WWOX: variants seen among roughly 807,000 people sequenced by gnomAD.
WWOX encodes the protein WW domain-containing oxidoreductase.
In WWOX, 69 loss-of-function variants were observed where a neutral mutation model predicts 46.2. The observed-to-expected ratio is 1.49, with a 90% CI of 1.23 to 1.82. The LOEUF is 1.82. Ranked by LOEUF, WWOX falls within the 40% of genes most tolerant of loss-of-function variation. The pLI is 0.00. For synonymous variants in WWOX, 359 were observed against 202.6 expected (o/e 1.77, Z -6.56); for missense variants, 919 against 542.6 (o/e 1.69, Z -6.89).
intron 5 of WWOX, among the ~76,000 whole-genome samples, chr16:78,176,686 T>A (rs1023445907): frequency 2.6e-5 from 4 of 152,220 alleles, no homozygotes; most frequent in Non-Finnish European, 5.9e-5. Flanking sequence ...ATGCAGGTGC[T>A]GGAGCAGAAA....
chr16:78,394,699 C>T (rs561249507), intron 6 of WWOX, among the ~76,000 whole-genome samples: 1 of 152,124 alleles, frequency 6.6e-6, no homozygotes, highest in East Asian at 1.9e-4. Flanking sequence ...TTGCTTTTGC[C>T]GTGGTAGCCT....
intron 8 of WWOX, among the ~76,000 whole-genome samples, chr16:78,467,253 C>T (rs545748237): frequency 6.6e-6 from 1 of 152,100 alleles, no homozygotes; most frequent in Admixed American, 6.6e-5. Flanking sequence ...CTGATCACCA[C>T]CCATGTTAAT....
intron 5 of WWOX, among the ~76,000 whole-genome samples, chr16:78,172,791 G>C (rs1311865585): frequency 6.6e-6 from 1 of 152,068 alleles, no homozygotes; most frequent in Non-Finnish European, 1.5e-5. Flanking sequence ...CATTAATGTG[G>C]GGTCCCCTGA....
intron 5 of WWOX, among the ~76,000 whole-genome samples, chr16:78,233,648 T>C (rs2037344165): frequency 6.6e-6 from 1 of 150,754 alleles, no homozygotes; most frequent in Non-Finnish European, 1.5e-5. Context: ...TGCCTCAGCC[T>C]CCCGAGTAGC....
intron 8 of WWOX, among the ~76,000 whole-genome samples, chr16:79,117,908 G>C (rs2049549808): frequency 1.3e-5 from 2 of 152,194 alleles, no homozygotes; most frequent in African/African-American, 4.8e-5. Context: ...TGTTGTGGCT[G>C]GTTTGATCCT....
intron 8 of WWOX, among the ~76,000 whole-genome samples, chr16:78,925,159 C>A (rs565082333): frequency 7.2e-5 from 11 of 152,294 alleles, no homozygotes; most frequent in Non-Finnish European, 4.4e-5. Context: ...ATTGCCACTG[C>A]ACTCCAGACT....
chr16:78,423,118 C>T (rs971027707), intron 6 of WWOX, among the ~76,000 whole-genome samples: 2 of 151,976 alleles, frequency 1.3e-5, no homozygotes, highest in African/African-American at 4.8e-5. Flanking sequence ...AACTTCTGAC[C>T]TCGTGATTTG....
intron 8 of WWOX, among the ~76,000 whole-genome samples, chr16:79,145,820 GAAA>G (rs756241222): frequency 5.3e-5 from 8 of 151,924 alleles, no homozygotes; most frequent in Non-Finnish European, 8.8e-5. Context: ...GATGGAGATA[GAAA>G]AAAACCCCAT....
At position 78,458,807 on chromosome 16, in the gene WWOX, G is replaced by A. The variant is rs116197506; in HGVS notation, c.1056+26055G>A. The stretch of plus-strand genomic sequence containing the variant: ...ATAGGTGGCGCCACTTTTTATCTGT[G>A]TGTGTTGGGGGTGGAATTAGCATGT... On this transcript the variant is annotated intron_variant, in intron 8 of 8. Transcript: ENST00000566780. 8.9e-3 allele frequency among the ~76,000 whole-genome samples: 1,348 copies of A among 152,158 alleles called. 27 individuals are homozygous for A. The highest frequency in any genetic ancestry group is 0.03 in the African/African-American group (1,264 of 41,494).
rs2084804844 is a variant in WWOX at position 78,492,322 on chromosome 16, T to G, written c.1056+59570T>G. The stretch of plus-strand genomic sequence containing the variant: ...TATAATTTTTTTCTTCTTTTCTATC[T>G]GCTAGCAAAGTGGGTAAGTTGACCC... On this transcript the variant is annotated intron_variant, in intron 8 of 8. Coordinates refer to ENST00000566780, the MANE Select transcript of WWOX (RefSeq NM_016373.4). Among the ~76,000 whole-genome samples, 5 of 152,346 alleles carry G rather than the reference T, an allele frequency of 3.3e-5. No individual in the cohort carries two copies. The South Asian group carries it at 1.0e-3, about 32-fold the overall frequency.
intron 8 of WWOX, among the ~76,000 whole-genome samples, chr16:78,645,518 T>C: frequency 6.6e-6 from 1 of 152,132 alleles, no homozygotes; most frequent in Non-Finnish European, 1.5e-5. Flanking sequence ...GGTGCCAATG[T>C]ATTTCTGATG....
chr16:78,512,759 G>C (rs1212974204), intron 8 of WWOX, among the ~76,000 whole-genome samples: 1 of 152,198 alleles, frequency 6.6e-6, no homozygotes, highest in African/African-American at 2.4e-5. Flanking sequence ...AAATAAGCTT[G>C]ACTGGCTTGT....
intron 5 of WWOX, among the ~76,000 whole-genome samples, chr16:78,244,329 GC>G (rs2037750656): frequency 6.6e-6 from 1 of 152,122 alleles, no homozygotes; most frequent in African/African-American, 2.4e-5. Context: ...CTGATAAATT[GC>G]CGTTTATGGC....
chr16:78,541,785 C>T (rs1488126797), intron 8 of WWOX, among the ~76,000 whole-genome samples: 2 of 151,908 alleles, frequency 1.3e-5, no homozygotes, highest in African/African-American at 4.8e-5. Flanking sequence ...TAGGCACAGA[C>T]CTAGGAACTC....
intron 5 of WWOX, among the ~76,000 whole-genome samples, chr16:78,212,018 ATCT>A (rs1185048588): frequency 6.6e-6 from 1 of 152,130 alleles, no homozygotes; most frequent in Non-Finnish European, 1.5e-5. Flanking sequence ...TTATTTGAAC[ATCT>A]TCTTTTGTTA....
chr16:78,871,852 C>T (rs551533676), intron 8 of WWOX, among the ~76,000 whole-genome samples: 5 of 152,178 alleles, frequency 3.3e-5, no homozygotes, highest in African/African-American at 1.2e-4. Flanking sequence ...ATCCGCCCAC[C>T]TTGGCCTCCC....
In WWOX at chr16:78,779,654, C is replaced by A. The variant is rs149978069; in HGVS notation, c.1056+346902C>A. Among the ~76,000 whole-genome samples the A allele has an allele frequency of 1.2e-3, 180 of 152,276 alleles. 4 individuals are homozygous for A. In the East Asian group the frequency reaches 0.032, roughly 27 times the overall value. The stretch of plus-strand genomic sequence containing the variant: ...GCTCAGGGAATCGTAGCAGAGGGCC[C>A]CAGTTCACACTGCTGATCAGTGATG... On this transcript the variant is annotated intron_variant, in intron 8 of 8. Coordinates refer to ENST00000566780, the MANE Select transcript of WWOX (RefSeq NM_016373.4).
chr16:79,118,761 C>T (rs72795702), intron 8 of WWOX, among the ~76,000 whole-genome samples: 4,521 of 152,282 alleles, frequency 0.03, 83 homozygotes, highest in Non-Finnish European at 0.047. Context: ...GTGTTTGTCC[C>T]ACATAGAGAT....
At chr16:78,836,776 C>A (rs1004155562) in intron 8 of WWOX, among the ~76,000 whole-genome samples, 1 of 152,136 alleles carries the variant, frequency 6.6e-6, no homozygotes, top group Admixed American at 6.5e-5. Context: ...AATTTCTGAT[C>A]TCTTTAATTA....
Sources: allele counts gnomAD v4.1 joint callset (sites outside exome capture counted in the v4.1 genomes callset), GRCh38; gene constraint gnomAD v4.1.1; transcripts MANE v1.5; gene names NCBI Gene and HGNC (gene_info 2026-07-23, HGNC 2026-07-21).